The following ELP3 variants were observed in gnomAD, a reference collection of about 807,000 sequenced individuals.
ELP3 encodes the protein elongator acetyltransferase complex subunit 3.
A neutral mutation model predicts 74.9 loss-of-function variants in ELP3; 56 were observed. The observed-to-expected ratio is 0.75, with a 90% CI of 0.60 to 0.93. The LOEUF (loss-of-function observed/expected upper bound fraction) is 0.93, where lower values mean the gene tolerates loss of function less well. Ranked by LOEUF, ELP3 falls within the 40% of genes least tolerant of loss-of-function variation. ELP3 has a pLI of 0.00. For synonymous variants in ELP3, 222 were observed against 239.8 expected, an observed-to-expected ratio of 0.93 and a Z score of 0.68; for missense variants, 573 against 686.5, an observed-to-expected ratio of 0.83 and a Z score of 1.85.
intron 9 of ELP3, among the ~76,000 whole-genome samples, chr8:28,134,916 C>G (rs535290475): frequency 5.7e-4 from 85 of 149,856 alleles, no homozygotes; most frequent in African/African-American, 2.1e-3. Context: ...GATCTTCAAC[C>G]AGTTTCTTAT....
In ELP3 at chr8:28,185,846, A is replaced by T. The variant is rs79981161; in HGVS notation, c.1568-3803A>T. ...GATCAGGCTAAGGAATTTGAACTTTATCTTGGGACACATCATTAGTGATTC... is the reference window on the plus strand; with the variant it reads ...GATCAGGCTAAGGAATTTGAACTTTTTCTTGGGACACATCATTAGTGATTC... On this transcript the variant is annotated intron_variant, in intron 14 of 14. Coordinates refer to ENST00000256398, the MANE Select transcript of ELP3 (RefSeq NM_018091.6). Among the ~76,000 whole-genome samples, 3 of 152,274 alleles carry T rather than the reference A, an allele frequency of 2.0e-5. No individual in the cohort carries two copies. In the East Asian group the frequency reaches 5.8e-4, roughly 29 times the overall value.
rs115078825 is a variant in ELP3, at chr8:28,124,750, C to G, written c.618-4752C>G. Among the ~76,000 whole-genome samples, 1,174 of 152,184 alleles carry G rather than the reference C, an allele frequency of 7.7e-3. 21 individuals carry two copies. The highest frequency in any genetic ancestry group is 0.026 in the African/African-American group (1,092 of 41,524). On this transcript the variant is annotated intron_variant, in intron 7 of 14. Coordinates refer to ENST00000256398, the MANE Select transcript of ELP3 (RefSeq NM_018091.6). ...AATGTTATAAGCTGTTTTTATATAT[C>G]TTAAGCCCTGCCAGCTAATGTGATA...
chr8:28,188,479 G>A (rs1450262577), intron 14 of ELP3, among the ~76,000 whole-genome samples: 1 of 152,180 alleles, frequency 6.6e-6, no homozygotes, highest in South Asian at 2.1e-4. Flanking sequence ...CTCCTCCGGG[G>A]AGGGAAGGGG....
chr8:28,190,008 C>CT lies in ELP3; in HGVS notation c.*284dup, dbSNP rs1248306988. The stretch of plus-strand genomic sequence containing the variant: ...ATTTTGCATGAGGCCTGCAGGTGGC[C>CT]TATTTTGACTCAGACGGTGAAAAAA... On this transcript the variant is annotated 3_prime_UTR_variant, in exon 15 of 15. Transcript: ENST00000256398. The CT allele has an allele frequency of 9.7e-6, 3 of 309,486 alleles. No homozygotes were observed. Among genetic ancestry groups the CT allele is most frequent in the Non-Finnish European group, 1.8e-5 (3 of 166,438 alleles). 19.2% of individuals were successfully genotyped at this position (309,486 alleles called of 1,614,324 possible).
At chr8:28,119,742 C>G (rs979614420) in intron 7 of ELP3, among the ~76,000 whole-genome samples, 3 of 151,524 alleles carry the variant, frequency 2.0e-5, no homozygotes, top group African/African-American at 7.3e-5. Flanking sequence ...GTTCCCACAT[C>G]CCACTTGCCA....
At chr8:28,113,486 G>A (rs2130399576) in intron 7 of ELP3, among the ~76,000 whole-genome samples, 1 of 31,098 alleles carries the variant, frequency 3.2e-5, no homozygotes, top group African/African-American at 4.5e-4. Flanking sequence ...ACCCAAGAAG[G>A]GGGCTGGGAG....
intron 7 of ELP3, among the ~76,000 whole-genome samples, chr8:28,125,995 C>T (rs1167284991): frequency 1.3e-5 from 2 of 151,968 alleles, no homozygotes; most frequent in African/African-American, 4.8e-5. Flanking sequence ...TTCATTTATT[C>T]CTTCTTCAAA....
At chr8:28,158,282 G>T (rs1225394678) in intron 11 of ELP3, among the ~76,000 whole-genome samples, 1 of 152,028 alleles carries the variant, frequency 6.6e-6, no homozygotes, top group Non-Finnish European at 1.5e-5. Flanking sequence ...TTACTGCTAA[G>T]ATTATATTAT....
rs1263359355 is a variant in ELP3, at chr8:28,108,020, C to CT, written c.393+47dup. 4 of 1,511,976 alleles carry CT rather than the reference C, an allele frequency of 2.6e-6. No individual in the cohort carries two copies. In the African/African-American group the frequency reaches 5.5e-5, roughly 21 times the overall value. 93.7% of individuals were successfully genotyped at this position (1,511,976 alleles called of 1,614,324 possible). On this transcript the variant is annotated intron_variant, in intron 5 of 14. Coordinates refer to ENST00000256398, the MANE Select transcript of ELP3 (RefSeq NM_018091.6). ...TGTCCTGATGAAATGTTGCATCATG[C>CT]TTTACCTGTAGTATGGTTTTACCAG... is the stretch of plus-strand genomic sequence containing the variant.
chr8:28,097,543 C>T (rs920629223), intron 2 of ELP3, among the ~76,000 whole-genome samples: 1 of 151,848 alleles, frequency 6.6e-6, no homozygotes, highest in Non-Finnish European at 1.5e-5. Flanking sequence ...ACTACAGGCG[C>T]CCGCCACCAC....
chr8:28,179,426 C>A (rs1489161521), intron 14 of ELP3, among the ~76,000 whole-genome samples: 1 of 152,144 alleles, frequency 6.6e-6, no homozygotes, highest in Non-Finnish European at 1.5e-5. Context: ...AATGTCTTTA[C>A]TTTGCATTAT....
intron 9 of ELP3, 145 bp downstream of exon 9, chr8:28,132,549 A>G (rs1014983290): frequency 1.8e-5 from 19 of 1,067,806 alleles, no homozygotes; most frequent in South Asian, 3.3e-5. Context: ...CAGTAGGGTA[A>G]GAGACATCAC....
intron 14 of ELP3, among the ~76,000 whole-genome samples, chr8:28,187,697 G>T (rs75547184): frequency 0.032 from 4,847 of 152,302 alleles, 104 homozygotes; most frequent in Non-Finnish European, 0.05. Flanking sequence ...AGATGGGAAT[G>T]AGTTGCCCTG....
chr8:28,092,523 C>G (rs1811081171), upstream of ELP3, among the ~76,000 whole-genome samples: 1 of 152,176 alleles, frequency 6.6e-6, no homozygotes, highest in African/African-American at 2.4e-5. Context: ...CATGTGTGAG[C>G]CACTGCGCCC....
chr8:28,153,274 A>G (rs1224301417), intron 10 of ELP3, among the ~76,000 whole-genome samples: 3 of 152,232 alleles, frequency 2.0e-5, no homozygotes, highest in African/African-American at 7.2e-5. Flanking sequence ...TAAGGCTCCA[A>G]AGTGCCTCAG....
chr8:28,091,545 C>T (rs920818003), upstream of ELP3, among the ~76,000 whole-genome samples: 1 of 152,108 alleles, frequency 6.6e-6, no homozygotes, highest in Non-Finnish European at 1.5e-5. Flanking sequence ...GTCAAAGCCT[C>T]GTTGTTGCCT....
intron 7 of ELP3, chr8:28,118,944 A>G (rs1346371142): frequency 1.3e-5 from 2 of 152,054 alleles, no homozygotes; most frequent in Non-Finnish European, 2.9e-5. Flanking sequence ...TGTCTGAGAA[A>G]AGCTGAAGTG....
chr8:28,122,922 G>A (rs1479107639), intron 7 of ELP3, among the ~76,000 whole-genome samples: 3 of 152,124 alleles, frequency 2.0e-5, no homozygotes, highest in Non-Finnish European at 2.9e-5. Context: ...TCAGGAGTTC[G>A]AGACCAGCCT....
chr8:28,125,249 T>G (rs1247192189), intron 7 of ELP3, among the ~76,000 whole-genome samples: 1 of 152,236 alleles, frequency 6.6e-6, no homozygotes. Flanking sequence ...AGATTGTATG[T>G]TGTGACTAAC....
Sources: allele counts gnomAD v4.1 joint callset (sites outside exome capture counted in the v4.1 genomes callset), GRCh38; gene constraint gnomAD v4.1.1; transcripts MANE v1.5; gene names NCBI Gene and HGNC (gene_info 2026-07-23, HGNC 2026-07-21).